Variants in RAC1 observed in about 807,000 individuals in gnomAD.
The protein encoded by RAC1 is ras-related C3 botulinum toxin substrate 1.
Under a neutral mutation model 25.2 loss-of-function variants are expected in RAC1, and 2 were observed. The observed-to-expected ratio is 0.08, with a 90% CI of 0.03 to 0.25. The LOEUF is 0.25. RAC1 is among the 10% of genes least tolerant of loss of function. The probability of loss-of-function intolerance (pLI) is 1.00; values close to 1 mark genes in which losing one functional copy is unlikely to be tolerated. For synonymous variants in RAC1, 88 were observed against 94.0 expected (o/e 0.94, Z 0.37); for missense variants, 50 against 235.7 (o/e 0.21, Z 5.16).
chr7:6,380,629 A>G (rs1782737331), intron 1 of RAC1, among the ~76,000 whole-genome samples: 1 of 152,196 alleles, frequency 6.6e-6, no homozygotes, highest in African/African-American at 2.4e-5. Flanking sequence ...CTTTGCCACC[A>G]AGGCAGGATT....
At chr7:6,377,870 A>G (rs891198196) in intron 1 of RAC1, among the ~76,000 whole-genome samples, 1 of 151,976 alleles carries the variant, frequency 6.6e-6, no homozygotes, top group Non-Finnish European at 1.5e-5. Flanking sequence ...GTACCATTGC[A>G]CTCCAGCTTG....
intron 1 of RAC1, 51 bp downstream of exon 1, chr7:6,374,821 G>T (rs2303362): frequency 7.3e-6 from 8 of 1,088,592 alleles, no homozygotes; most frequent in African/African-American, 1.7e-5. Context: ...GGGCGCGGAG[G>T]GGGGTTGGGC....
Position 6,374,768 on chromosome 7 carries a change from C to T in RAC1, c.33C>T (p.Asp11=). 1.7e-6 allele frequency: 2 copies of T among 1,143,040 alleles called. No individual in the cohort carries two copies. The highest frequency in any genetic ancestry group is 3.4e-5 in the South Asian group (1 of 29,290). 70.8% of individuals were successfully genotyped at this position (1,143,040 alleles called of 1,614,324 possible). Residue 11 remains aspartate (D), a splice_region_variant and synonymous_variant, in exon 1 of 6, where the codon GAC becomes GAT. Transcript: ENST00000348035. Reference sequence around the variant, plus strand: ...CCATCAAGTGTGTGGTGGTGGGAGACGGGTGAGTGCGCGGCCGGGGCCGGG... The same window carrying T: ...CCATCAAGTGTGTGGTGGTGGGAGATGGGTGAGTGCGCGGCCGGGGCCGGG... The part of the protein sequence containing the change: MQAIKCVVVG[D]GAVGKTCLLI...
At chr7:6,386,991 TC>T (rs1370406688) in intron 1 of RAC1, among the ~76,000 whole-genome samples, 1 of 149,764 alleles carries the variant, frequency 6.7e-6, no homozygotes, top group African/African-American at 2.5e-5. Context: ...ATGTGATGGC[TC>T]CTGACTCTAT....
rs1783476812 is a variant in RAC1 at position 6,403,412 on chromosome 7, T to C, written c.*966T>C. 9.3e-6 allele frequency: 2 copies of C among 213,950 alleles called. No individual in the cohort carries two copies. The highest frequency in any genetic ancestry group is 3.7e-4 in the South Asian group (2 of 5,384). The allele number at this position is 213,950 out of a possible 1,614,324, so 13.3% of individuals were successfully genotyped here. A position where few individuals can be genotyped will look rare whatever the true frequency, so the allele number is the denominator to read the frequency against. The stretch of plus-strand genomic sequence containing the variant: ...GTCGCTAACTTAGTAAGTGCTTTTC[T>C]TATAGAACCCCTTCTGACTGAGCAA... On this transcript the variant is annotated 3_prime_UTR_variant, in exon 6 of 6. Coordinates refer to ENST00000348035, the MANE Select transcript of RAC1 (RefSeq NM_006908.5).
At position 6,376,779 on chromosome 7, in the gene RAC1, G is replaced by GTTTTT. The variant is rs35795933; in HGVS notation, c.35+2026_35+2030dup. ...TCAAGTGATCCGCCCGCCTCGGCCT[G>GTTTTT]TTTTTTTTTTTTTTTTTTTTTAAGT... On this transcript the variant is annotated intron_variant, in intron 1 of 5. Coordinates refer to ENST00000348035, the MANE Select transcript of RAC1 (RefSeq NM_006908.5). Among the ~76,000 whole-genome samples, 12 of 116,360 alleles carry GTTTTT rather than the reference G, an allele frequency of 1.0e-4. No homozygotes were observed. The South Asian group carries it at 3.0e-3, about 29-fold the overall frequency. 76.3% of individuals were successfully genotyped at this position (116,360 alleles called of 152,430 possible). A position where few individuals can be genotyped will look rare whatever the true frequency, so the allele number is the denominator to read the frequency against.
At chr7:6,377,703 T>G (rs1364979593) in intron 1 of RAC1, among the ~76,000 whole-genome samples, 1 of 152,106 alleles carries the variant, frequency 6.6e-6, no homozygotes, top group Non-Finnish European at 1.5e-5. Context: ...TCACCTGAGG[T>G]CAGGAGTTTG....
At chr7:6,376,672 G>GTTTTTTT (rs71008385) in intron 1 of RAC1, among the ~76,000 whole-genome samples, 1 of 99,958 alleles carries the variant, frequency 1.0e-5, no homozygotes, top group South Asian at 3.8e-4. Flanking sequence ...CAGCTAATTT[G>GTTTTTTT]TTTTTTTTTT....
chr7:6,398,490 G>A (rs1783308984), intron 3 of RAC1, among the ~76,000 whole-genome samples: 2 of 152,204 alleles, frequency 1.3e-5, no homozygotes, highest in African/African-American at 4.8e-5. Context: ...CAGGTAGCGT[G>A]GAGTGTTTCA....
intron 1 of RAC1, among the ~76,000 whole-genome samples, chr7:6,380,746 A>G (rs1360812282): frequency 6.6e-6 from 1 of 152,180 alleles, no homozygotes; most frequent in East Asian, 1.9e-4. Flanking sequence ...CATGGCCTGG[A>G]TTCTATGACA....
At chr7:6,383,263 C>G (rs528719253) in intron 1 of RAC1, among the ~76,000 whole-genome samples, 1 of 152,282 alleles carries the variant, frequency 6.6e-6, no homozygotes, top group African/African-American at 2.4e-5. Context: ...CAGATGTTGA[C>G]TTGGTTTGTG....
chr7:6,377,391 C>G (rs1010649358), intron 1 of RAC1, among the ~76,000 whole-genome samples: 1 of 151,624 alleles, frequency 6.6e-6, no homozygotes, highest in Admixed American at 6.6e-5. Flanking sequence ...CTTAGGAGTT[C>G]AAGACCAGCC....
chr7:6,398,980 C>T (rs972301095), intron 3 of RAC1, among the ~76,000 whole-genome samples: 2 of 152,214 alleles, frequency 1.3e-5, no homozygotes, highest in African/African-American at 4.8e-5. Flanking sequence ...CCTCTCCTGG[C>T]TGGTTGGAGA....
intron 1 of RAC1, among the ~76,000 whole-genome samples, chr7:6,382,229 A>G (rs1439077634): frequency 6.6e-6 from 1 of 152,142 alleles, no homozygotes; most frequent in Non-Finnish European, 1.5e-5. Context: ...TCCTGGCCTG[A>G]AGTGATCCAC....
intron 2 of RAC1, among the ~76,000 whole-genome samples, chr7:6,391,043 C>T (rs1783078075): frequency 6.6e-6 from 1 of 152,122 alleles, no homozygotes; most frequent in South Asian, 2.1e-4. Flanking sequence ...ACTACAGGTG[C>T]CTGTCACCAC....
intron 1 of RAC1, among the ~76,000 whole-genome samples, chr7:6,378,982 C>A (rs555225288): frequency 6.6e-6 from 1 of 151,848 alleles, no homozygotes; most frequent in Non-Finnish European, 1.5e-5. Flanking sequence ...CCTAGCTACT[C>A]GGGAGGCTGA....
In RAC1 at chr7:6,374,879, G is replaced by A. The variant is rs1782534670; in HGVS notation, c.35+109G>A. 7 of 913,356 alleles carry A rather than the reference G, an allele frequency of 7.7e-6. No individual in the cohort carries two copies. The South Asian group carries it at 3.5e-4, about 46-fold the overall frequency. 56.6% of individuals were successfully genotyped at this position (913,356 alleles called of 1,614,324 possible). On this transcript the variant is annotated intron_variant, in intron 1 of 5. Coordinates refer to ENST00000348035, the MANE Select transcript of RAC1 (RefSeq NM_006908.5). ...CGGCGTCCGCCGCGGTCTCGCGTAG[G>A]CGGTGGGCCTGGGCCTGTGTCGCGG...
intron 1 of RAC1, among the ~76,000 whole-genome samples, chr7:6,385,440 G>A (rs368060280): frequency 1.2e-4 from 19 of 152,190 alleles, no homozygotes; most frequent in African/African-American, 3.6e-4. Context: ...CAGCCAGTAC[G>A]TGCTAGAATT....
chr7:6,388,550 G>C (rs2115195154), intron 2 of RAC1, among the ~76,000 whole-genome samples: 1 of 151,830 alleles, frequency 6.6e-6, no homozygotes, highest in Non-Finnish European at 1.5e-5. Context: ...CACCATGTTG[G>C]CCAGGTTGGT....
Sources: allele counts gnomAD v4.1 joint callset (sites outside exome capture counted in the v4.1 genomes callset), GRCh38; gene constraint gnomAD v4.1.1; transcripts MANE v1.5; gene names NCBI Gene and HGNC (gene_info 2026-07-23, HGNC 2026-07-21).